Variants in LEFTY1 observed in about 807,000 individuals in gnomAD.
The protein encoded by LEFTY1 is left-right determination factor B.
Under a neutral mutation model 22.6 loss-of-function variants are expected in LEFTY1, and 18 were observed. That is an observed-to-expected ratio of 0.80 (90% CI 0.55 to 1.18). The LOEUF (loss-of-function observed/expected upper bound fraction) is 1.18, where lower values mean the gene tolerates loss of function less well. Among genes scored for constraint, LEFTY1 ranks in the 50% most tolerant of loss-of-function variants. The pLI, the probability that LEFTY1 is intolerant of heterozygous loss-of-function variation, is 0.00. For synonymous variants in LEFTY1, 201 were observed against 231.5 expected (o/e 0.87, Z 1.20); for missense variants, 414 against 495.4 (o/e 0.84, Z 1.56).
chr1:225,889,022 CA>C lies in LEFTY1; in HGVS notation c.44del (p.Leu15ArgfsTer8). 1 of 1,510,636 alleles carries C rather than the reference CA, an allele frequency of 6.6e-7. No individual in the cohort carries two copies. Among genetic ancestry groups the C allele is most frequent in the Non-Finnish European group, 8.8e-7 (1 of 1,130,342 alleles). 93.6% of individuals were successfully genotyped at this position (1,510,636 alleles called of 1,614,324 possible). Reference protein sequence around the residue: ...WLCWALWVLPLASPGAALTGE... With the variant: ...WLCWALWVLPXASPGAALTGE... Reference sequence around the variant, plus strand: ...CGGTCAGGGCGGCCCCGGGGCTGGCCAGGGGCAACACCCAGAGTGCCCAGCA... The same window carrying C: ...CGGTCAGGGCGGCCCCGGGGCTGGCCGGGGCAACACCCAGAGTGCCCAGCA... On this transcript the variant is annotated frameshift_variant, in exon 1 of 4. Transcript: ENST00000272134. LOFTEE classifies it high-confidence loss of function.
At chr1:225,888,223 G>C (rs545185869) in intron 1 of LEFTY1, among the ~76,000 whole-genome samples, 191 bp from the exon 2 acceptor site, 1 of 152,120 alleles carries the variant, frequency 6.6e-6, no homozygotes, top group Non-Finnish European at 1.5e-5. Context: ...AGGCAGGGGC[G>C]CCTGTGGGAC....
In LEFTY1 at chr1:225,887,481, C is replaced by T; in HGVS notation, c.655G>A (p.Val219Ile). 6.2e-7 allele frequency: 1 copy of T among 1,612,426 alleles called. No individual in the cohort carries two copies. The highest frequency in any genetic ancestry group is 1.1e-5 in the South Asian group (1 of 91,026). The change falls in exon 3 of 4, where the codon GTC (valine) becomes ATC (isoleucine). Residue 219 changes from valine to isoleucine, a missense_variant. This residue lies in a region of LEFTY1 where 398 missense variants were observed against 454.7 expected (regional missense o/e 0.88). Coordinates refer to ENST00000272134, the MANE Select transcript of LEFTY1 (RefSeq NM_020997.4). Reference sequence around the variant, plus strand: ...GGCGCCCCCTGCGAGGCAAAGCGGACCAGCTTGTGGGCGCCGGACGCCAGC... The same window carrying T: ...GGCGCCCCCTGCGAGGCAAAGCGGATCAGCTTGTGGGCGCCGGACGCCAGC... ...GPLASGAHKL[V>I]RFASQGAPAG... is the part of the protein sequence containing the mutation.
rs1671281354 is a variant in LEFTY1, at chr1:225,886,470, T to A, written c.*257A>T. On this transcript the variant is annotated 3_prime_UTR_variant, in exon 4 of 4. Coordinates refer to ENST00000272134, the MANE Select transcript of LEFTY1 (RefSeq NM_020997.4). The stretch of plus-strand genomic sequence containing the variant: ...GCCCTCAGGTTACAGTATCTCCACA[T>A]GTAAGTGCTTAGAATATAGTGCAGT... 1 of 602,886 alleles carries A rather than the reference T, an allele frequency of 1.7e-6. No homozygotes were observed. Among genetic ancestry groups the A allele is most frequent in the Non-Finnish European group, 2.8e-6 (1 of 361,416 alleles). 37.3% of individuals were successfully genotyped at this position (602,886 alleles called of 1,614,324 possible).
At position 225,887,507 on chromosome 1, in the gene LEFTY1, G is replaced by C; in HGVS notation, c.629C>G (p.Pro210Arg). The change falls in exon 3 of 4, where the codon CCG (proline) becomes CGG (arginine). Residue 210 changes from proline to arginine, a missense_variant. Pro to Arg is a moderately radical substitution (Grantham distance 103). Around this residue, in one of 2 missense-constraint regions of LEFTY1, gnomAD observed 398 missense variants for 454.7 expected, o/e 0.88. Transcript: ENST00000272134. ...QVSVQREHLG[P>R]LASGAHKLVR... ...CAGCTTGTGGGCGCCGGACGCCAGCGGGCCCAGATGCTCCCTCTGCACCGA... is the reference window on the plus strand; with the variant it reads ...CAGCTTGTGGGCGCCGGACGCCAGCCGGCCCAGATGCTCCCTCTGCACCGA... 6.2e-7 allele frequency: 1 copy of C among 1,611,678 alleles called. No homozygotes were observed. The highest frequency in any genetic ancestry group is 8.5e-7 in the Non-Finnish European group (1 of 1,179,296).
chr1:225,886,609 CA>C lies in LEFTY1; in HGVS notation c.*117del. ...TGTCAGAGGAAGCAAATTCAGGGCT[CA>C]CTAGAGAGCACAGAGCATTTGTCCA... is the stretch of plus-strand genomic sequence containing the variant. On this transcript the variant is annotated 3_prime_UTR_variant, in exon 4 of 4. Transcript: ENST00000272134. The C allele has an allele frequency of 6.5e-7, 1 of 1,534,736 alleles. No homozygotes were observed.
Position 225,886,943 on chromosome 1 carries a change from G to A in LEFTY1, c.885C>T (p.Gly295=), listed in dbSNP as rs1323137228. Residue 295 remains glycine (G), a synonymous_variant, in exon 4 of 4, where the codon GGC becomes GGT. Transcript: ENST00000272134. ...GGGCCTCCGGGGGCTGCCGGCAGGTGCCCACACACTCATAAGCCAGGAAGC... is the reference window on the plus strand; with the variant it reads ...GGGCCTCCGGGGGCTGCCGGCAGGTACCCACACACTCATAAGCCAGGAAGC... The part of the protein sequence containing the change: ...PPGFLAYECV[G]TCRQPPEALA... 2.6e-5 allele frequency: 42 copies of A among 1,613,674 alleles called. No individual in the cohort carries two copies. The highest frequency in any genetic ancestry group is 3.5e-5 in the Non-Finnish European group (41 of 1,179,904).
rs961149942 is a variant in LEFTY1 at position 225,888,819 on chromosome 1, C to G, written c.248G>C (p.Arg83Pro). 1.9e-6 allele frequency: 3 copies of G among 1,613,090 alleles called. No individual in the cohort carries two copies. The highest frequency in any genetic ancestry group is 1.1e-5 in the South Asian group (1 of 91,054). The change falls in exon 1 of 4, where the codon CGA (arginine) becomes CCA (proline). Residue 83 changes from arginine to proline, a missense_variant and splice_region_variant. Arg to Pro is a moderately radical substitution (Grantham distance 103, BLOSUM62 -2). Transcript: ENST00000272134. ...GCAGCAGGGAGGGAGGGCCTCACCT[C>G]GGAAGCTCTGGCTGAACCTCTTTCC... is the stretch of plus-strand genomic sequence containing the variant. Reference protein sequence around the residue: ...SRGKRFSQSFREVAGRFLALE... With the variant: ...SRGKRFSQSFPEVAGRFLALE...
rs1434604700 is a variant in LEFTY1 at position 225,886,283 on chromosome 1, A to G, written c.*444T>C. ...ATAAAATAGAAAATTACAAAATTAT[A>G]GAATAAAATGTGTTTTATTCATGTT... On this transcript the variant is annotated 3_prime_UTR_variant, in exon 4 of 4. Coordinates refer to ENST00000272134, the MANE Select transcript of LEFTY1 (RefSeq NM_020997.4). The G allele has an allele frequency of 6.5e-6, 1 of 153,280 alleles. No homozygotes were observed. Among genetic ancestry groups the G allele is most frequent in the Non-Finnish European group, 1.5e-5 (1 of 68,806 alleles). 9.5% of individuals were successfully genotyped at this position (153,280 alleles called of 1,614,324 possible).
At chr1:225,888,773 A>G (rs1476656601) in intron 1 of LEFTY1, 44 bp downstream of exon 1, 1 of 1,610,804 alleles carries the variant, frequency 6.2e-7, no homozygotes, top group Non-Finnish European at 8.5e-7. Flanking sequence ...GGCACATCTG[A>G]CCTGCCCCAT....
rs1190517096 is a variant in LEFTY1 at position 225,886,834 on chromosome 1, C to T, written c.994G>A (p.Glu332Lys). ...ACCTGGGGCCTGGTCCTGCCTCCCT[C>T]CTTGATGCTGACGATCATGGGCAGC... ...DSLPMIVSIKEGGRTRPQVVS... is the reference protein window; with the variant it reads ...DSLPMIVSIKKGGRTRPQVVS... Residue 332 changes from glutamate to lysine, a missense_variant, in exon 4 of 4, where the codon GAG becomes AAG. Glu to Lys is a moderately conservative substitution (Grantham distance 56). Coordinates refer to ENST00000272134, the MANE Select transcript of LEFTY1 (RefSeq NM_020997.4). The T allele has an allele frequency of 1.9e-6, 3 of 1,613,968 alleles. No homozygotes were observed. The highest frequency in any genetic ancestry group is 2.2e-5 in the East Asian group (1 of 44,890).
chr1:225,887,466 G>T lies in LEFTY1; in HGVS notation c.670C>A (p.Gln224Lys), dbSNP rs1332252493. 4 of 1,612,698 alleles carry T rather than the reference G, an allele frequency of 2.5e-6. No individual in the cohort carries two copies. The South Asian group carries it at 4.4e-5, about 18-fold the overall frequency. Reference sequence around the variant, plus strand: ...TCCCCAAGCCCGGCTGGCGCCCCCTGCGAGGCAAAGCGGACCAGCTTGTGG... The same window carrying T: ...TCCCCAAGCCCGGCTGGCGCCCCCTTCGAGGCAAAGCGGACCAGCTTGTGG... ...GAHKLVRFAS[Q>K]GAPAGLGEPQ... The change falls in exon 3 of 4, where the codon CAG (glutamine) becomes AAG (lysine). Residue 224 changes from glutamine to lysine, a missense_variant. Gln to Lys is a moderately conservative substitution (Grantham distance 53). Coordinates refer to ENST00000272134, the MANE Select transcript of LEFTY1 (RefSeq NM_020997.4).
rs1318930687 is a variant in LEFTY1 at position 225,887,456 on chromosome 1, G to A, written c.680C>T (p.Pro227Leu). Residue 227 changes from proline to leucine, a missense_variant, in exon 3 of 4, where the codon CCA becomes CTA. Pro to Leu is a moderately conservative substitution (Grantham distance 98). Around this residue, in one of 2 missense-constraint regions of LEFTY1, gnomAD observed 398 missense variants for 454.7 expected, o/e 0.88. Transcript: ENST00000272134. ...CAGCTGGGGCTCCCCAAGCCCGGCT[G>A]GCGCCCCCTGCGAGGCAAAGCGGAC... Reference protein sequence around the residue: ...KLVRFASQGAPAGLGEPQLEL... With the variant: ...KLVRFASQGALAGLGEPQLEL... 5 of 1,612,944 alleles carry A rather than the reference G, an allele frequency of 3.1e-6. No homozygotes were observed. The South Asian group carries it at 5.5e-5, about 18-fold the overall frequency.
Position 225,886,799 on chromosome 1 carries a change from C to G in LEFTY1, c.1029G>C (p.Leu343=). The change falls in exon 4 of 4, where the codon CTG becomes CTC. Residue 343 remains leucine, a synonymous_variant. Coordinates refer to ENST00000272134, the MANE Select transcript of LEFTY1 (RefSeq NM_020997.4). ...GGRTRPQVVS[L]PNMRVQKCSC... The stretch of plus-strand genomic sequence containing the variant: ...TGCACTTCTGCACCCTCATGTTGGG[C>G]AGGCTGACCACCTGGGGCCTGGTCC... The G allele has an allele frequency of 5.6e-6, 9 of 1,613,864 alleles. No homozygotes were observed. Among genetic ancestry groups the G allele is most frequent in the Non-Finnish European group, 7.6e-6 (9 of 1,180,044 alleles).
rs753442728 is a variant in LEFTY1 at position 225,886,959 on chromosome 1, G to T, written c.869C>A (p.Ala290Asp). The part of the protein sequence containing the change: ...NWVLEPPGFL[A>D]YECVGTCRQP... Reference sequence around the variant, plus strand: ...CCGGCAGGTGCCCACACACTCATAAGCCAGGAAGCCCGGGGGCTCCAGCAC... The same window carrying T: ...CCGGCAGGTGCCCACACACTCATAATCCAGGAAGCCCGGGGGCTCCAGCAC... Residue 290 changes from alanine to aspartate, a missense_variant, in exon 4 of 4, where the codon GCT becomes GAT. Physicochemically the swap from Ala to Asp is moderately radical, Grantham distance 126. This residue lies in a region of LEFTY1 where 398 missense variants were observed against 454.7 expected (regional missense o/e 0.88). Transcript: ENST00000272134. 1 of 1,612,838 alleles carries T rather than the reference G, an allele frequency of 6.2e-7. No individual in the cohort carries two copies. The highest frequency in any genetic ancestry group is 1.3e-5 in the African/African-American group (1 of 75,032).
chr1:225,888,165 A>C, intron 1 of LEFTY1, 133 bp from the exon 2 acceptor site: 1 of 1,349,548 alleles, frequency 7.4e-7, no homozygotes, highest in Non-Finnish European at 1.0e-6. Context: ...CCCAGTTTAC[A>C]AATCTTCCTT....
chr1:225,887,872 G>A lies in LEFTY1; in HGVS notation c.411C>T (p.Ser137=). The change falls in exon 2 of 4, where the codon TCC becomes TCT. Residue 137 remains serine, a synonymous_variant. Coordinates refer to ENST00000272134, the MANE Select transcript of LEFTY1 (RefSeq NM_020997.4). The part of the protein sequence containing the change: ...KAALHRHGRL[S]PRSARARVTV... ...TCACCCGGGCCCGGGCGCTGCGCGGGGACAGCCGCCCGTGCCTGTGCAGCG... is the reference window on the plus strand; with the variant it reads ...TCACCCGGGCCCGGGCGCTGCGCGGAGACAGCCGCCCGTGCCTGTGCAGCG... 1.3e-6 allele frequency: 2 copies of A among 1,532,146 alleles called. No homozygotes were observed. Among genetic ancestry groups the A allele is most frequent in the Non-Finnish European group, 8.7e-7 (1 of 1,145,916 alleles). 94.9% of individuals were successfully genotyped at this position (1,532,146 alleles called of 1,614,324 possible).
intron 1 of LEFTY1, among the ~76,000 whole-genome samples, chr1:225,888,367 G>A (rs2102657899): frequency 6.6e-6 from 1 of 151,940 alleles, no homozygotes; most frequent in Middle Eastern, 3.4e-3. Flanking sequence ...GCCGGCTGCA[G>A]GAGGATTCAG....
Position 225,887,936 on chromosome 1 carries a change from G to A in LEFTY1, c.347C>T (p.Ala116Val), listed in dbSNP as rs2102657680. ...CGGCTCCTGGAAGAGCCGCAGCACG[G>A]CCTGCACCAGCTCGCTGTTGGGCGG... ...RLPPNSELVQ[A>V]VLRLFQEPVP... is the part of the protein sequence containing the mutation. The change falls in exon 2 of 4, where the codon GCC becomes GTC. Residue 116 changes from alanine (A) to valine (V), a missense_variant. Physicochemically the swap from Ala to Val is moderately conservative, Grantham distance 64. Around this residue, in one of 2 missense-constraint regions of LEFTY1, gnomAD observed 398 missense variants for 454.7 expected, o/e 0.88. Transcript: ENST00000272134. The A allele has an allele frequency of 6.4e-7, 1 of 1,556,398 alleles. No homozygotes were observed. Among genetic ancestry groups the A allele is most frequent in the Non-Finnish European group, 8.6e-7 (1 of 1,160,910 alleles).
chr1:225,887,461 C>T lies in LEFTY1; in HGVS notation c.675G>A (p.Gly225=). Residue 225 remains glycine, a synonymous_variant, in exon 3 of 4, where the codon GGG becomes GGA. Coordinates refer to ENST00000272134, the MANE Select transcript of LEFTY1 (RefSeq NM_020997.4). ...GGGGCTCCCCAAGCCCGGCTGGCGC[C>T]CCCTGCGAGGCAAAGCGGACCAGCT... ...AHKLVRFASQ[G]APAGLGEPQL... is the part of the protein sequence containing the mutation. The T allele has an allele frequency of 6.2e-7, 1 of 1,612,882 alleles. No individual in the cohort carries two copies. The highest frequency in any genetic ancestry group is 8.5e-7 in the Non-Finnish European group (1 of 1,179,772).
Sources: allele counts gnomAD v4.1 joint callset (sites outside exome capture counted in the v4.1 genomes callset), GRCh38; gene constraint gnomAD v4.1.1; regional missense constraint gnomAD v4.1.1; transcripts MANE v1.5; gene names NCBI Gene and HGNC (gene_info 2026-07-23, HGNC 2026-07-21).